Variants in ACAP2 observed in about 807,000 individuals in gnomAD.
ACAP2 encodes arf-GAP with coiled-coil, ANK repeat and PH domain-containing protein 2.
In ACAP2, 39 loss-of-function variants were observed where a neutral mutation model predicts 115.8. That is an observed-to-expected ratio of 0.34 (90% confidence interval 0.26 to 0.44). ACAP2 has a LOEUF of 0.44. Ranked by LOEUF, ACAP2 falls within the 20% of genes least tolerant of loss-of-function variation. The pLI is 1.00. For missense variants in ACAP2, 662 were observed against 927.6 expected (o/e 0.71, Z 3.72); for synonymous variants, 289 against 315.8 (o/e 0.92, Z 0.90).
At chr3:195,320,405 T>C (rs1729372292) in intron 10 of ACAP2, among the ~76,000 whole-genome samples, 1 of 152,216 alleles carries the variant, frequency 6.6e-6, no homozygotes. Flanking sequence ...TATTCAAAAT[T>C]TATTTACTAT....
chr3:195,288,461 A>G (rs959890078), intron 21 of ACAP2, among the ~76,000 whole-genome samples: 9 of 152,158 alleles, frequency 5.9e-5, no homozygotes, highest in Non-Finnish European at 1.0e-4. Context: ...ACTGTGTGCA[A>G]GTACAGTTGG....
chr3:195,427,542 G>A (rs1475145087), intron 1 of ACAP2, among the ~76,000 whole-genome samples: 1 of 152,096 alleles, frequency 6.6e-6, no homozygotes. Context: ...ATGGTTCCTA[G>A]AATACAAACC....
At chr3:195,347,088 C>A (rs1337570350) in intron 4 of ACAP2, among the ~76,000 whole-genome samples, 1 of 150,366 alleles carries the variant, frequency 6.7e-6, no homozygotes, top group African/African-American at 2.4e-5. Flanking sequence ...AAGTTATATG[C>A]CACAAAAAAA....
At position 195,334,206 on chromosome 3, in the gene ACAP2, CA is replaced by C. The variant is rs907574936; in HGVS notation, c.574-1084del. Among the ~76,000 whole-genome samples, 22 of 132,214 alleles carry C rather than the reference CA, an allele frequency of 1.7e-4. 1 individual carries two copies. The East Asian group carries it at 4.5e-3, about 27-fold the overall frequency. 86.7% of individuals were successfully genotyped at this position (132,214 alleles called of 152,430 possible). On this transcript the variant is annotated intron_variant, in intron 7 of 22. Coordinates refer to ENST00000326793, the MANE Select transcript of ACAP2 (RefSeq NM_012287.6). ...AAGTCCTTAATACTCAAAAATCCTC[CA>C]AAAAAAACTATTTTCAAAAAAAAAA...
At chr3:195,335,892 CTTTTTTTTTTTTTTTT>C (rs869135331) in intron 7 of ACAP2, 1 of 90,122 alleles carries the variant, frequency 1.1e-5, no homozygotes, top group East Asian at 3.4e-4. Context: ...ACTTCGTTGG[CTTTTTTTTTTTTTTTT>C]TTTTTTTTTG....
At chr3:195,350,658 A>AG (rs1731501014) in intron 4 of ACAP2, among the ~76,000 whole-genome samples, 1 of 151,914 alleles carries the variant, frequency 6.6e-6, no homozygotes, top group Admixed American at 6.6e-5. Flanking sequence ...GGAAAAAAAA[A>AG]AAAAGAAAAA....
rs534667611 is a variant in ACAP2 at position 195,300,020 on chromosome 3, C to T, written c.1395+1555G>A. ...AGAATGGGAATTAGTATCTACTTTC[C>T]GTCTTTCTTTTTTCTTTTTTTTTCT... On this transcript the variant is annotated intron_variant, in intron 15 of 22. Coordinates refer to ENST00000326793, the MANE Select transcript of ACAP2 (RefSeq NM_012287.6). 3.9e-4 allele frequency among the ~76,000 whole-genome samples: 58 copies of T among 149,968 alleles called. 1 individual carries two copies. In the South Asian group the frequency reaches 0.011, roughly 29 times the overall value.
At chr3:195,423,814 T>A (rs570604198) in intron 1 of ACAP2, among the ~76,000 whole-genome samples, 4 of 152,290 alleles carry the variant, frequency 2.6e-5, no homozygotes, top group African/African-American at 9.6e-5. Flanking sequence ...TCATGTGTCA[T>A]GAAATTTTTT....
chr3:195,297,156 C>T, intron 16 of ACAP2, 34 bp downstream of exon 16: 1 of 1,559,132 alleles, frequency 6.4e-7, no homozygotes, highest in Non-Finnish European at 8.8e-7. Context: ...TAGCTATATT[C>T]CTAATTAGGG....
chr3:195,324,980 C>T (rs908365570), intron 9 of ACAP2, among the ~76,000 whole-genome samples: 8 of 152,166 alleles, frequency 5.3e-5, no homozygotes, highest in Admixed American at 3.3e-4. Context: ...GATTAACAGA[C>T]GTTTTACAAA....
rs192379837 is a variant in ACAP2, at chr3:195,421,420, T to C, written c.53+21375A>G. Among the ~76,000 whole-genome samples the C allele has an allele frequency of 1.0e-3, 155 of 152,344 alleles. 1 individual carries two copies. Among genetic ancestry groups the C allele is most frequent in the African/African-American group, 3.5e-3 (144 of 41,586 alleles). On this transcript the variant is annotated intron_variant, in intron 1 of 22. Coordinates refer to ENST00000326793, the MANE Select transcript of ACAP2 (RefSeq NM_012287.6). ...ACACAAAGTCATCCGTTATCTTTCT[T>C]AGGATCAAACTCTACCTTCATAACA...
chr3:195,441,513 T>C (rs968236286), intron 1 of ACAP2, among the ~76,000 whole-genome samples: 1 of 152,234 alleles, frequency 6.6e-6, no homozygotes, highest in Admixed American at 6.5e-5. Flanking sequence ...TTAAATTTTC[T>C]CTAAGTAGCA....
intron 4 of ACAP2, among the ~76,000 whole-genome samples, chr3:195,378,300 G>A (rs1733704754): frequency 1.3e-5 from 2 of 151,882 alleles, no homozygotes. Context: ...AGACCATCCT[G>A]GCCAACATGT....
rs1425023636 is a variant in ACAP2, at chr3:195,341,326, T to TTG, written c.528+1144_528+1145insCA. ...TTGTTTGTTTTATTGTGTGGGTTTT[T>TTG]TTTTTTTTTTTTTTTTGAGACGGAG... On this transcript the variant is annotated intron_variant, in intron 6 of 22. Transcript: ENST00000326793. Among the ~76,000 whole-genome samples, 20 of 138,736 alleles carry TTG rather than the reference T, an allele frequency of 1.4e-4. No individual in the cohort carries two copies. In the East Asian group the frequency reaches 4.0e-3, roughly 28 times the overall value. The allele number at this position is 138,736 out of a possible 152,430, so 91.0% of individuals were successfully genotyped here. A position where few individuals can be genotyped will look rare whatever the true frequency, so the allele number is the denominator to read the frequency against.
At chr3:195,336,835 C>T in intron 7 of ACAP2, 97 bp downstream of exon 7, 1 of 951,730 alleles carries the variant, frequency 1.1e-6, no homozygotes, top group Non-Finnish European at 1.6e-6. Context: ...AATTATAAAC[C>T]TTATCATGTA....
chr3:195,377,161 T>TTTTTTTTTTTTTTATA (rs1733609539), intron 4 of ACAP2, among the ~76,000 whole-genome samples: 1 of 121,280 alleles, frequency 8.2e-6, no homozygotes, highest in Non-Finnish European at 1.8e-5. Flanking sequence ...TTTTTTTTTT[T>TTTTTTTTTTTTTTATA]GGAAACAAGG....
intron 4 of ACAP2, among the ~76,000 whole-genome samples, chr3:195,374,268 T>C (rs1434094491): frequency 6.6e-6 from 1 of 152,058 alleles, no homozygotes; most frequent in African/African-American, 2.4e-5. Context: ...CAAGCGCCTG[T>C]AGTCTCACCT....
chr3:195,308,896 AGAAAT>A (rs1728581719), intron 10 of ACAP2, 59 bp from the exon 11 acceptor site: 1 of 1,467,458 alleles, frequency 6.8e-7, no homozygotes, highest in Non-Finnish European at 9.4e-7. Context: ...CATTGTTGTT[AGAAAT>A]GAAATATTTG....
intron 1 of ACAP2, among the ~76,000 whole-genome samples, chr3:195,433,011 C>G (rs183885360): frequency 2.6e-5 from 4 of 152,230 alleles, no homozygotes; most frequent in Non-Finnish European, 1.5e-5. Flanking sequence ...CTAGTTATAA[C>G]TGATTTTTGT....
Sources: gnomAD v4.1 joint callset for allele counts (sites outside exome capture counted in the v4.1 genomes callset) on GRCh38, gnomAD v4.1.1 for gene constraint, MANE v1.5 for transcripts, NCBI Gene and HGNC (gene_info 2026-07-23, HGNC 2026-07-21) for gene names.